EPS8: variants seen among roughly 807,000 people sequenced by gnomAD.
The protein encoded by EPS8 is EGFR pathway substrate 8, signaling adaptor, also known as epidermal growth factor receptor kinase substrate 8.
Under a neutral mutation model 103.8 loss-of-function variants are expected in EPS8, and 42 were observed. That is an observed-to-expected ratio of 0.40 (90% CI 0.32 to 0.52). The LOEUF (loss-of-function observed/expected upper bound fraction) is 0.52. EPS8 is among the 20% of genes least tolerant of loss of function. The pLI, the probability that EPS8 is intolerant of heterozygous loss-of-function variation, is 0.40. For synonymous variants in EPS8, 344 were observed against 344.6 expected, an observed-to-expected ratio of 1.00 and a Z score of 0.02; for missense variants, 969 against 1,005.1, an observed-to-expected ratio of 0.96 and a Z score of 0.49.
At chr12:15,710,391 T>G (rs976437846) in intron 1 of EPS8, among the ~76,000 whole-genome samples, 1 of 152,158 alleles carries the variant, frequency 6.6e-6, no homozygotes, top group Non-Finnish European at 1.5e-5. Context: ...ACACAAATGT[T>G]CCTAAAACCA....
chr12:15,670,037 T>C (rs1277561757), intron 4 of EPS8, among the ~76,000 whole-genome samples: 2 of 152,182 alleles, frequency 1.3e-5, no homozygotes, highest in Non-Finnish European at 2.9e-5. Context: ...TTTTGACTCA[T>C]AAGATACCTA....
chr12:15,658,623 T>C (rs778580667), intron 10 of EPS8, 38 bp from the exon 11 acceptor site: 17 of 1,345,274 alleles, frequency 1.3e-5, no homozygotes, highest in Non-Finnish European at 1.6e-5. Flanking sequence ...CAGAGCAAAA[T>C]CCAAGGAAAT....
At position 15,672,420 on chromosome 12, in the gene EPS8, A is replaced by G. The variant is rs890429281; in HGVS notation, c.137-1497T>C. On this transcript the variant is annotated intron_variant, in intron 3 of 20. Coordinates refer to ENST00000281172, the MANE Select transcript of EPS8 (RefSeq NM_004447.6). ...TTGCAGCATTAAAATTACTTAATAA[A>G]AACAGATGCACTACAAAATTCACTC... is the stretch of plus-strand genomic sequence containing the variant. The G allele has an allele frequency of 1.0e-5, 4 of 398,284 alleles. No individual in the cohort carries two copies. The East Asian group carries it at 1.4e-4, about 14-fold the overall frequency. 24.7% of individuals were successfully genotyped at this position (398,284 alleles called of 1,614,324 possible).
intron 1 of EPS8, among the ~76,000 whole-genome samples, chr12:15,742,032 A>C (rs1946829807): frequency 6.6e-6 from 1 of 152,210 alleles, no homozygotes; most frequent in African/African-American, 2.4e-5. Context: ...GTCCCTACAA[A>C]GGACATGAAC....
rs1404076529 is a variant in EPS8 at position 15,698,903 on chromosome 12, T to C, written c.-21-15931A>G. On this transcript the variant is annotated intron_variant, in intron 1 of 20. Coordinates refer to ENST00000281172, the MANE Select transcript of EPS8 (RefSeq NM_004447.6). This position sits in a 1 kb window ranked among gnomAD's most constrained non-coding sequence, Gnocchi z 4.9. ...CATATTCTTGTAATTGTTGTATATG[T>C]CAAGAATGAAAATCAAAGATTCCAA... 6.6e-6 allele frequency among the ~76,000 whole-genome samples: 1 copy of C among 152,180 alleles called. No homozygotes were observed. The highest frequency in any genetic ancestry group is 1.5e-5 in the Non-Finnish European group (1 of 68,036).
In EPS8 at chr12:15,776,050, T is replaced by C. The variant is rs967399982; in HGVS notation, c.-22+13111A>G. Among the ~76,000 whole-genome samples the C allele has an allele frequency of 3.3e-5, 5 of 152,174 alleles. No homozygotes were observed. The highest frequency in any genetic ancestry group is 6.5e-5 in the Admixed American group (1 of 15,272). On this transcript the variant is annotated intron_variant, in intron 1 of 20. Transcript: ENST00000281172. This position sits in a 1 kb window ranked among gnomAD's most constrained non-coding sequence, Gnocchi z 4.2. ...ACAACAAACAAAACTCACCTTCACA[T>C]ACAAAGGGCAGTTCCATATGTATTT...
chr12:15,623,796 A>G (rs769359575), intron 19 of EPS8, among the ~76,000 whole-genome samples: 4 of 152,228 alleles, frequency 2.6e-5, no homozygotes, highest in Non-Finnish European at 4.4e-5. Context: ...TAAGATTATA[A>G]TTGATGCTAG....
At chr12:15,656,881 C>T (rs1053601287) in intron 12 of EPS8, among the ~76,000 whole-genome samples, 1 of 152,154 alleles carries the variant, frequency 6.6e-6, no homozygotes, top group East Asian at 1.9e-4. Flanking sequence ...GGCTCTTGCA[C>T]AGTATATCCA....
chr12:15,660,508 C>A (rs895100285), intron 10 of EPS8, 106 bp downstream of exon 10: 2 of 717,018 alleles, frequency 2.8e-6, no homozygotes, highest in South Asian at 1.5e-5. Context: ...AGATGATACA[C>A]CCGCCTCGGC....
At chr12:15,691,976 T>C (rs554850821) in intron 1 of EPS8, among the ~76,000 whole-genome samples, 23 of 152,254 alleles carry the variant, frequency 1.5e-4, no homozygotes, top group African/African-American at 4.6e-4. Flanking sequence ...CATTTCTGTC[T>C]TTCTGCAGGC....
intron 6 of EPS8, among the ~76,000 whole-genome samples, chr12:15,668,828 A>T (rs1164935239): frequency 6.6e-6 from 1 of 152,196 alleles, no homozygotes; most frequent in Non-Finnish European, 1.5e-5. Flanking sequence ...TCAATTTTTA[A>T]TTATAAGTTT....
rs73315066 is a variant in EPS8, at chr12:15,697,402, A to G, written c.-21-14430T>C. On this transcript the variant is annotated intron_variant, in intron 1 of 20. Transcript: ENST00000281172. The surrounding 1 kb of genome is among the most constrained non-coding windows in gnomAD (Gnocchi z 5.6). ...GAGGAAGAGGCAGAACAGCAGCAGC[A>G]GCGGCAATGGCTCACATCTAGAAAA... 0.011 allele frequency among the ~76,000 whole-genome samples: 1,604 copies of G among 152,370 alleles called. 38 individuals are homozygous for G. The highest frequency in any genetic ancestry group is 0.037 in the African/African-American group (1,537 of 41,592).
chr12:15,638,484 C>G (rs948480404), intron 17 of EPS8, among the ~76,000 whole-genome samples: 1 of 152,112 alleles, frequency 6.6e-6, no homozygotes, highest in Non-Finnish European at 1.5e-5. Context: ...GGGCCCTCAA[C>G]CTGAACAGCA....
chr12:15,663,843 A>G (rs1945649655), intron 8 of EPS8, among the ~76,000 whole-genome samples: 1 of 148,606 alleles, frequency 6.7e-6, no homozygotes, highest in African/African-American at 2.5e-5. Flanking sequence ...AATCGCTTGA[A>G]CCAGGAGACA....
At chr12:15,719,202 C>CATATAT (rs372207428) in intron 1 of EPS8, among the ~76,000 whole-genome samples, 3 of 149,828 alleles carry the variant, frequency 2.0e-5, no homozygotes, top group African/African-American at 7.3e-5. Context: ...TATAAACATA[C>CATATAT]ATATATATAT....
rs1945772434 is a variant in EPS8 at position 15,669,422 on chromosome 12, G to T, written c.481C>A (p.Pro161Thr). 6.2e-7 allele frequency: 1 copy of T among 1,613,762 alleles called. No individual in the cohort carries two copies. ...LVCKEPTQNK[P>T]DLHLFQCDEV... ...TCACACTGGAAGAGATGAAGATCTG[G>T]CTTGTTCTGGGTTGGCTCTTTGCAC... Residue 161 changes from proline to threonine, a missense_variant, in exon 6 of 21, where the codon CCA becomes ACA. Transcript: ENST00000281172.
intron 1 of EPS8, among the ~76,000 whole-genome samples, chr12:15,708,727 A>T (rs1176469435): frequency 1.3e-5 from 2 of 152,120 alleles, no homozygotes; most frequent in African/African-American, 4.8e-5. Context: ...AAAAACTCCC[A>T]TTTTTCAAAA....
chr12:15,661,759 A>G (rs958536313), intron 9 of EPS8, among the ~76,000 whole-genome samples: 3 of 152,216 alleles, frequency 2.0e-5, no homozygotes, highest in African/African-American at 7.2e-5. Flanking sequence ...AAATCTAATA[A>G]TTCAGCCTAA....
At chr12:15,662,140 C>T in intron 8 of EPS8, 41 bp from the exon 9 acceptor site, 1 of 1,578,270 alleles carries the variant, frequency 6.3e-7, no homozygotes, top group South Asian at 1.1e-5. Flanking sequence ...TCTTTTACTC[C>T]CACAATACCA....
Sources: gnomAD v4.1 joint callset for allele counts (sites outside exome capture counted in the v4.1 genomes callset) on GRCh38, gnomAD v4.1.1 for gene constraint, Gnocchi (gnomAD v3.1) non-coding constraint, MANE v1.5 for transcripts, NCBI Gene and HGNC (gene_info 2026-07-23, HGNC 2026-07-21) for gene names.